Variants in TNC observed in about 807,000 individuals in gnomAD.
The protein encoded by TNC is tenascin.
TNC carries 109 observed loss-of-function variants against 202.4 expected under a neutral mutation model. That is an observed-to-expected ratio of 0.54 (90% confidence interval 0.46 to 0.63). The LOEUF is 0.63. TNC is among the 30% of genes least tolerant of loss of function. The pLI is 0.00. For synonymous variants in TNC, 1,007 were observed against 1,089.7 expected, an observed-to-expected ratio of 0.92 and a Z score of 1.50; for missense variants, 2,756 against 2,833.3, an observed-to-expected ratio of 0.97 and a Z score of 0.62.
chr9:115,055,745 G>A (rs149250328), intron 15 of TNC: 86 of 152,386 alleles, frequency 5.6e-4, no homozygotes, highest in African/African-American at 2.0e-3. Context: ...AAGAGGTTTG[G>A]CTACTAAAGC....
intron 3 of TNC, among the ~76,000 whole-genome samples, chr9:115,085,048 G>A (rs1834602710): frequency 1.3e-5 from 2 of 151,992 alleles, no homozygotes; most frequent in African/African-American, 2.4e-5. Flanking sequence ...CTTTAGTAAA[G>A]GAAAAAATTC....
At position 115,082,777 on chromosome 9, in the gene TNC, T is replaced by C. The variant is rs1245162869; in HGVS notation, c.2162A>G (p.Lys721Arg). ...TTCCACAGATGTCTCCTTGATGGACTTGAATTTCAGGCCTTCAGGTGCAGG... is the reference window on the plus strand; with the variant it reads ...TTCCACAGATGTCTCCTTGATGGACCTGAATTTCAGGCCTTCAGGTGCAGG... The part of the protein sequence containing the change: ...YLPAPEGLKF[K>R]SIKETSVEVE... The change falls in exon 5 of 28, where the codon AAG becomes AGG. Residue 721 changes from lysine to arginine, a missense_variant. This residue lies in a region of TNC where 2,559 missense variants were observed against 2,546.0 expected (regional missense o/e 1.01). Transcript: ENST00000350763. 2 of 1,614,140 alleles carry C rather than the reference T, an allele frequency of 1.2e-6. No individual in the cohort carries two copies. Among genetic ancestry groups the C allele is most frequent in the Non-Finnish European group, 1.7e-6 (2 of 1,179,982 alleles).
intron 21 of TNC, 193 bp downstream of exon 21, chr9:115,035,905 A>G: frequency 1.6e-6 from 1 of 619,366 alleles, no homozygotes; most frequent in Non-Finnish European, 2.7e-6. Flanking sequence ...AGGTCATTTC[A>G]GTTCAAAAGG....
At chr9:115,050,151 C>T (rs1296969568) in intron 15 of TNC, among the ~76,000 whole-genome samples, 1 of 152,192 alleles carries the variant, frequency 6.6e-6, no homozygotes, top group Non-Finnish European at 1.5e-5. Flanking sequence ...CTCTTTGCAC[C>T]TCCACACCAT....
intron 1 of TNC, among the ~76,000 whole-genome samples, chr9:115,101,804 G>A (rs1252973674): frequency 4.6e-5 from 7 of 152,048 alleles, no homozygotes; most frequent in Non-Finnish European, 1.0e-4. Context: ...ATAATTATGT[G>A]ACACTTTGCA....
chr9:115,114,137 G>C (rs1403390974), intron 1 of TNC, among the ~76,000 whole-genome samples: 1 of 152,182 alleles, frequency 6.6e-6, no homozygotes, highest in Non-Finnish European at 1.5e-5. Flanking sequence ...CACTTTGAGG[G>C]GGGTTTTCCT....
intron 15 of TNC, among the ~76,000 whole-genome samples, chr9:115,053,699 T>C (rs1831881451): frequency 6.6e-6 from 1 of 152,224 alleles, no homozygotes; most frequent in African/African-American, 2.4e-5. Flanking sequence ...TTTGCACAAA[T>C]TAAAGGCTAA....
rs1283400359 is a variant in TNC, at chr9:115,081,942, G to A, written c.2248-14C>T. Reference sequence around the variant, plus strand: ...ATCTTCTTTATTCTGAGAGATAGAGGCAGCTTGGTAAGAGTTAGGGGAGGT... The same window carrying A: ...ATCTTCTTTATTCTGAGAGATAGAGACAGCTTGGTAAGAGTTAGGGGAGGT... On this transcript the variant is annotated splice_polypyrimidine_tract_variant and intron_variant, in intron 5 of 27. Coordinates refer to ENST00000350763, the MANE Select transcript of TNC (RefSeq NM_002160.4). 1.3e-6 allele frequency: 2 copies of A among 1,579,088 alleles called. No homozygotes were observed. Among genetic ancestry groups the A allele is most frequent in the African/African-American group, 2.8e-5 (2 of 72,202 alleles).
At chr9:115,033,376 A>G (rs1457340423) in intron 22 of TNC, among the ~76,000 whole-genome samples, 2 of 152,160 alleles carry the variant, frequency 1.3e-5, no homozygotes, top group Non-Finnish European at 2.9e-5. Flanking sequence ...GGTTCATTGA[A>G]TTACTTAGGA....
At chr9:115,093,062 A>G (rs1488421339) in intron 1 of TNC, among the ~76,000 whole-genome samples, 3 of 152,148 alleles carry the variant, frequency 2.0e-5, no homozygotes, top group Non-Finnish European at 4.4e-5. Context: ...TAATGATAGA[A>G]TGCATCAACA....
rs1162765497 is a variant in TNC, at chr9:115,111,406, T to C, written c.-137+6576A>G. 5.7e-4 allele frequency among the ~76,000 whole-genome samples: 65 copies of C among 113,954 alleles called. No individual in the cohort carries two copies. The East Asian group carries it at 0.011, about 19-fold the overall frequency. The allele number at this position is 113,954 out of a possible 152,430, so 74.8% of individuals were successfully genotyped here. On this transcript the variant is annotated intron_variant, in intron 1 of 27. Coordinates refer to ENST00000350763, the MANE Select transcript of TNC (RefSeq NM_002160.4). The stretch of plus-strand genomic sequence containing the variant: ...GACTTTCTCTCTCTCTCTCTTTTTT[T>C]TTTTTTTTTTTTTTTTTTTGAGATG...
chr9:115,083,602 C>CT (rs34162026), intron 4 of TNC, among the ~76,000 whole-genome samples: 7,131 of 129,450 alleles, frequency 0.055, 652 homozygotes, highest in East Asian at 0.38. Flanking sequence ...AATGAGGACT[C>CT]TTTTTTTTTT....
intron 1 of TNC, among the ~76,000 whole-genome samples, chr9:115,113,886 T>C (rs1432495352): frequency 6.6e-6 from 1 of 152,188 alleles, no homozygotes; most frequent in African/African-American, 2.4e-5. Context: ...CAGGGTTGTT[T>C]CTAAAGTGGA....
Position 115,041,003 on chromosome 9 carries a change from A to G in TNC, c.5330T>C (p.Val1777Ala). ...AAAGCCCTTCATGGCGATGATGCTG[A>G]CAAGGTACTCCACGCCAGGTATGAG... ...VKLIPGVEYL[V>A]SIIAMKGFEE... The change falls in exon 19 of 28, where the codon GTC becomes GCC. Residue 1777 changes from valine to alanine, a missense_variant. Coordinates refer to ENST00000350763, the MANE Select transcript of TNC (RefSeq NM_002160.4). 1 of 1,614,154 alleles carries G rather than the reference A, an allele frequency of 6.2e-7. No homozygotes were observed. Among genetic ancestry groups the G allele is most frequent in the Non-Finnish European group, 8.5e-7 (1 of 1,180,024 alleles).
At chr9:115,084,684 C>T (rs1349771950) in intron 3 of TNC, among the ~76,000 whole-genome samples, 2 of 152,164 alleles carry the variant, frequency 1.3e-5, no homozygotes, top group Non-Finnish European at 2.9e-5. Context: ...AGGCTGGAGT[C>T]CCAGGTCAGC....
intron 8 of TNC, 39 bp from the exon 9 acceptor site, chr9:115,076,160 T>A (rs746991784): frequency 9.5e-6 from 15 of 1,584,882 alleles, no homozygotes; most frequent in Non-Finnish European, 3.5e-6. Flanking sequence ...CATCCTGAAA[T>A]CAGAGAGACT....
intron 1 of TNC, among the ~76,000 whole-genome samples, chr9:115,099,931 G>A (rs1330356): frequency 0.38 from 57,194 of 151,740 alleles, 12,100 homozygotes; most frequent in East Asian, 0.61. Flanking sequence ...TTAGGAAAAT[G>A]AGGAGGCTGT....
Position 115,047,518 on chromosome 9 carries a change from T to G in TNC, c.4852+742A>C, listed in dbSNP as rs1002920788. On this transcript the variant is annotated intron_variant, in intron 16 of 27. Coordinates refer to ENST00000350763, the MANE Select transcript of TNC (RefSeq NM_002160.4). ...AAATACTGCCTGGATAAGTACTTCT[T>G]GGAGATGATGCACGTTAGGGTGTTC... Among the ~76,000 whole-genome samples, 11 of 152,264 alleles carry G rather than the reference T, an allele frequency of 7.2e-5. No individual in the cohort carries two copies. The East Asian group carries it at 2.1e-3, about 29-fold the overall frequency.
Position 115,078,085 on chromosome 9 carries a change from T to G in TNC, c.2532A>C (p.Gly844=), listed in dbSNP as rs747674248. The G allele has an allele frequency of 6.2e-7, 1 of 1,614,140 alleles. No homozygotes were observed. The highest frequency in any genetic ancestry group is 8.5e-7 in the Non-Finnish European group (1 of 1,180,008). ...CTGTGAGATCGATGGTGGTACGGTC[T>G]CCTGGCACGTCTTTGATGCCGTAGG... ...ELTYGIKDVP[G]DRTTIDLTED... The change falls in exon 7 of 28, where the codon GGA becomes GGC. Residue 844 remains glycine, a synonymous_variant. Coordinates refer to ENST00000350763, the MANE Select transcript of TNC (RefSeq NM_002160.4).
Sources: allele counts gnomAD v4.1 joint callset (sites outside exome capture counted in the v4.1 genomes callset), GRCh38; gene constraint gnomAD v4.1.1; regional missense constraint gnomAD v4.1.1; transcripts MANE v1.5; gene names NCBI Gene and HGNC (gene_info 2026-07-23, HGNC 2026-07-21).